The following PIP5K1B variants were observed in gnomAD, a reference collection of about 807,000 sequenced individuals.
PIP5K1B encodes phosphatidylinositol 4-phosphate 5-kinase type-1 beta.
A neutral mutation model predicts 67.0 loss-of-function variants in PIP5K1B; 42 were observed. That is an observed-to-expected ratio of 0.63 (90% CI 0.49 to 0.81). The LOEUF (loss-of-function observed/expected upper bound fraction) is 0.81, where lower values mean the gene tolerates loss of function less well. PIP5K1B is among the 30% of genes least tolerant of loss of function. PIP5K1B has a pLI of 0.00. For synonymous variants in PIP5K1B, 214 were observed against 231.4 expected (o/e 0.92, Z 0.68); for missense variants, 459 against 646.3 (o/e 0.71, Z 3.14).
At chr9:68,749,774 C>A (rs370741018) in intron 2 of PIP5K1B, among the ~76,000 whole-genome samples, 153 of 152,246 alleles carry the variant, frequency 1.0e-3, no homozygotes, top group African/African-American at 3.6e-3. Context: ...GGATGTTCAG[C>A]GGCATTCCTA....
intron 14 of PIP5K1B, among the ~76,000 whole-genome samples, chr9:68,951,990 A>G (rs1273323067): frequency 1.3e-5 from 2 of 152,010 alleles, no homozygotes; most frequent in Non-Finnish European, 2.9e-5. Flanking sequence ...TCTTTTCTCC[A>G]CCCGACACAT....
At chr9:68,707,298 C>A (rs565981137) in intron 1 of PIP5K1B, among the ~76,000 whole-genome samples, 24 of 152,284 alleles carry the variant, frequency 1.6e-4, no homozygotes, top group Non-Finnish European at 3.1e-4. Context: ...ATAATAACAC[C>A]TTACATTTGC....
At chr9:68,990,495 T>C (rs1007013431) in intron 14 of PIP5K1B, among the ~76,000 whole-genome samples, 1 of 151,436 alleles carries the variant, frequency 6.6e-6, no homozygotes, top group African/African-American at 2.4e-5. Flanking sequence ...ATACTGTAAA[T>C]TGAAGCAGCA....
At chr9:68,990,119 T>C (rs1380577785) in intron 14 of PIP5K1B, among the ~76,000 whole-genome samples, 1 of 152,208 alleles carries the variant, frequency 6.6e-6, no homozygotes, top group Non-Finnish European at 1.5e-5. Context: ...GCTTTTGGTA[T>C]TGTCGTAGTT....
At chr9:68,788,346 T>C in intron 2 of PIP5K1B, 1 of 941,848 alleles carries the variant, frequency 1.1e-6, no homozygotes, top group Non-Finnish European at 1.6e-6. Context: ...TGGTCATGTA[T>C]TTTATGCCCT....
At chr9:68,738,722 C>A (rs968682753) in intron 1 of PIP5K1B, among the ~76,000 whole-genome samples, 2 of 152,160 alleles carry the variant, frequency 1.3e-5, no homozygotes, top group African/African-American at 4.8e-5. Context: ...ATATTTCTAG[C>A]TTAAACAGAC....
At chr9:68,728,194 G>C in intron 1 of PIP5K1B, among the ~76,000 whole-genome samples, 1 of 152,182 alleles carries the variant, frequency 6.6e-6, no homozygotes, top group East Asian at 1.9e-4. Flanking sequence ...TGTAGATTGA[G>C]TGATCAAGTA....
chr9:68,987,259 A>G (rs576061039), intron 14 of PIP5K1B, among the ~76,000 whole-genome samples: 4 of 147,504 alleles, frequency 2.7e-5, no homozygotes, highest in African/African-American at 1.1e-4. Context: ...TCTCAAAATA[A>G]TTAATTAATT....
chr9:68,975,659 C>G (rs550600210), intron 14 of PIP5K1B, among the ~76,000 whole-genome samples: 22 of 152,270 alleles, frequency 1.4e-4, no homozygotes, highest in Admixed American at 3.9e-4. Flanking sequence ...AGAAATTTGT[C>G]TCACCGTTCT....
At chr9:68,836,591 G>T (rs1834620003) in intron 4 of PIP5K1B, among the ~76,000 whole-genome samples, 1 of 151,856 alleles carries the variant, frequency 6.6e-6, no homozygotes, top group East Asian at 1.9e-4. Context: ...GAGAAATTTT[G>T]TTTTTAGCAT....
In PIP5K1B at chr9:68,720,392, G is replaced by T. The variant is rs550285402; in HGVS notation, c.-243+14630G>T. ...CTCTTTGCTACTCAGCTGATTTTTT[G>T]ATCCCAACTCTTACCTCTTTGAACA... On this transcript the variant is annotated intron_variant, in intron 1 of 15. Transcript: ENST00000265382. Among the ~76,000 whole-genome samples, 144 of 152,148 alleles carry T rather than the reference G, an allele frequency of 9.5e-4. 1 individual carries two copies. Among genetic ancestry groups the T allele is most frequent in the South Asian group, 1.7e-3 (8 of 4,810 alleles).
intron 15 of PIP5K1B, among the ~76,000 whole-genome samples, chr9:68,993,252 G>A (rs1830460526): frequency 6.6e-6 from 1 of 151,842 alleles, no homozygotes; most frequent in African/African-American, 2.4e-5. Flanking sequence ...CTTCCTTGCT[G>A]ATGCTATTCT....
chr9:68,989,818 A>C (rs1389914719), intron 14 of PIP5K1B, among the ~76,000 whole-genome samples: 1 of 152,100 alleles, frequency 6.6e-6, no homozygotes, highest in African/African-American at 2.4e-5. Context: ...CGTCTCTACG[A>C]AAAATACAAA....
chr9:68,877,772 A>G (rs1016429522), intron 6 of PIP5K1B, among the ~76,000 whole-genome samples: 1 of 152,194 alleles, frequency 6.6e-6, no homozygotes, highest in South Asian at 2.1e-4. Flanking sequence ...TCTGTGAATG[A>G]TCTTCTTTAT....
intron 4 of PIP5K1B, among the ~76,000 whole-genome samples, chr9:68,839,600 G>A (rs1821808134): frequency 6.6e-6 from 1 of 152,076 alleles, no homozygotes; most frequent in Non-Finnish European, 1.5e-5. Flanking sequence ...CCTTTTCTAT[G>A]TTCTTGGCAA....
chr9:68,809,947 C>G (rs949473387), intron 2 of PIP5K1B, among the ~76,000 whole-genome samples: 29 of 152,184 alleles, frequency 1.9e-4, no homozygotes, highest in Non-Finnish European at 3.8e-4. Flanking sequence ...GCCTAGCTTA[C>G]TGCCTGACAT....
intron 2 of PIP5K1B, among the ~76,000 whole-genome samples, chr9:68,770,674 G>A (rs1830632822): frequency 6.6e-6 from 1 of 152,178 alleles, no homozygotes. Flanking sequence ...ACTGTGAACT[G>A]TGCATGTGAG....
At chr9:68,930,672 T>C (rs1237632426) in intron 12 of PIP5K1B, among the ~76,000 whole-genome samples, 1 of 151,502 alleles carries the variant, frequency 6.6e-6, no homozygotes, top group Admixed American at 6.6e-5. Flanking sequence ...TTCAATCCAA[T>C]TTCCACACAC....
At chr9:68,973,555 A>G (rs1829494964) in intron 14 of PIP5K1B, among the ~76,000 whole-genome samples, 1 of 152,240 alleles carries the variant, frequency 6.6e-6, no homozygotes, top group Non-Finnish European at 1.5e-5. Flanking sequence ...ACAAATGGCT[A>G]AGCACATTAA....
Sources: allele counts gnomAD v4.1 joint callset (sites outside exome capture counted in the v4.1 genomes callset), GRCh38; gene constraint gnomAD v4.1.1; transcripts MANE v1.5; gene names NCBI Gene and HGNC (gene_info 2026-07-23, HGNC 2026-07-21).